SIPA1L1: variants seen among roughly 807,000 people sequenced by gnomAD.
SIPA1L1 encodes the protein signal induced proliferation associated 1 like 1, also known as signal-induced proliferation-associated 1-like protein 1.
Under a neutral mutation model 162.7 loss-of-function variants are expected in SIPA1L1, and 26 were observed. That is an observed-to-expected ratio of 0.16 (90% CI 0.12 to 0.22). SIPA1L1 has a LOEUF of 0.22. Among genes scored for constraint, SIPA1L1 ranks in the 10% least tolerant of loss-of-function variants. SIPA1L1 has a pLI of 1.00. For synonymous variants in SIPA1L1, 829 were observed against 837.4 expected, an observed-to-expected ratio of 0.99 and a Z score of 0.17; for missense variants, 1,874 against 2,241.0, an observed-to-expected ratio of 0.84 and a Z score of 3.31.
In SIPA1L1 at chr14:71,739,147, A is replaced by G; in HGVS notation, c.5338A>G (p.Ile1780Val). ...GTTCACAGAATGGGTCTTCAACACC[A>G]TAGACATGAGCTAGGGAAGGCTGAG... Reference protein sequence around the residue: ...KKFTEWVFNTIDMS With the variant: ...KKFTEWVFNTVDMS Residue 1780 changes from isoleucine (I) to valine (V), a missense_variant, in exon 24 of 24, where the codon ATA becomes GTA. Ile to Val is a conservative substitution (Grantham distance 29). Transcript: ENST00000381232. 5 of 1,613,388 alleles carry G rather than the reference A, an allele frequency of 3.1e-6. 1 individual carries two copies. Among genetic ancestry groups the G allele is most frequent in the Non-Finnish European group, 4.2e-6 (5 of 1,179,560 alleles).
intron 2 of SIPA1L1, among the ~76,000 whole-genome samples, chr14:71,359,931 TA>T (rs1386330200): frequency 6.6e-6 from 1 of 152,164 alleles, no homozygotes; most frequent in Non-Finnish European, 1.5e-5. Context: ...ATTTTTAACA[TA>T]AGTGGTTTAA....
At chr14:71,500,330 A>C (rs2050107935) in intron 2 of SIPA1L1, among the ~76,000 whole-genome samples, 1 of 152,214 alleles carries the variant, frequency 6.6e-6, no homozygotes, top group Non-Finnish European at 1.5e-5. Flanking sequence ...CCAAAGATCT[A>C]AGACTTGAAG....
chr14:71,412,167 T>G (rs1263013676), intron 2 of SIPA1L1, among the ~76,000 whole-genome samples: 1 of 152,246 alleles, frequency 6.6e-6, no homozygotes, highest in Non-Finnish European at 1.5e-5. Context: ...TTTGTTATCT[T>G]AGATATCTGA....
intron 2 of SIPA1L1, among the ~76,000 whole-genome samples, chr14:71,492,616 G>A (rs573128780): frequency 1.4e-4 from 21 of 152,208 alleles, no homozygotes; most frequent in Middle Eastern, 3.4e-3. Context: ...GCTCTTTAGT[G>A]GTCAGAATAT....
At chr14:71,548,248 G>C (rs1228677433) in intron 4 of SIPA1L1, among the ~76,000 whole-genome samples, 1 of 152,144 alleles carries the variant, frequency 6.6e-6, no homozygotes, top group Non-Finnish European at 1.5e-5. Context: ...AGGGCATATA[G>C]CTTAATTTTG....
intron 2 of SIPA1L1, among the ~76,000 whole-genome samples, chr14:71,387,416 C>T (rs981943048): frequency 6.6e-6 from 1 of 152,050 alleles, no homozygotes; most frequent in African/African-American, 2.4e-5. Flanking sequence ...TTCAAGGCTG[C>T]AGTGAGCTAT....
chr14:71,661,425 T>C lies in SIPA1L1; in HGVS notation c.2213T>C (p.Ile738Thr), dbSNP rs1181763288. The change falls in exon 10 of 24, where the codon ATC (isoleucine) becomes ACC (threonine). Residue 738 changes from isoleucine (I) to threonine (T), a missense_variant. Around this residue, in one of 5 missense-constraint regions of SIPA1L1, gnomAD observed 243 missense variants for 315.0 expected, o/e 0.77. Transcript: ENST00000381232. ...TCCCACTTCCAGCACGTTTTCGTCA[T>C]CGTCAGGGTGCACAATCCGTGCTCT... The part of the protein sequence containing the change: ...IRSHFQHVFV[I>T]VRVHNPCSDS... 2 of 1,613,950 alleles carry C rather than the reference T, an allele frequency of 1.2e-6. No homozygotes were observed. Among genetic ancestry groups the C allele is most frequent in the Non-Finnish European group, 1.7e-6 (2 of 1,179,958 alleles).
intron 2 of SIPA1L1, among the ~76,000 whole-genome samples, chr14:71,365,659 T>A (rs2038215780): frequency 6.6e-6 from 1 of 152,176 alleles, no homozygotes; most frequent in Non-Finnish European, 1.5e-5. Context: ...CATTCTTCCT[T>A]CAACTATGTG....
intron 2 of SIPA1L1, chr14:71,330,408 A>G (rs1037778428): frequency 7.9e-7 from 1 of 1,260,558 alleles, no homozygotes; most frequent in African/African-American, 1.5e-5. Flanking sequence ...TGATTTCACG[A>G]GCTGTCTTCA....
At chr14:71,330,693 TG>T in intron 2 of SIPA1L1, 1 of 877,784 alleles carries the variant, frequency 1.1e-6, no homozygotes, top group Non-Finnish European at 2.0e-6. Context: ...GAATCCATCC[TG>T]GAGGATTCTC....
intron 8 of SIPA1L1, among the ~76,000 whole-genome samples, chr14:71,656,210 G>A (rs1023697327): frequency 2.0e-5 from 3 of 152,194 alleles, no homozygotes; most frequent in Non-Finnish European, 4.4e-5. Flanking sequence ...ACAGAGAGAA[G>A]GGGCTAGAAG....
intron 5 of SIPA1L1, among the ~76,000 whole-genome samples, chr14:71,590,860 T>C (rs964513034): frequency 4.6e-5 from 7 of 152,192 alleles, no homozygotes; most frequent in African/African-American, 1.7e-4. Flanking sequence ...TTGTAGGATG[T>C]AGGATGCTTA....
chr14:71,415,146 G>T (rs2042668981), intron 2 of SIPA1L1, among the ~76,000 whole-genome samples: 2 of 152,106 alleles, frequency 1.3e-5, no homozygotes, highest in African/African-American at 4.8e-5. Context: ...CAAGTTATCT[G>T]ACCATCTCCC....
At chr14:71,685,232 T>C in intron 12 of SIPA1L1, 130 bp from the exon 13 acceptor site, 1 of 1,003,312 alleles carries the variant, frequency 1.0e-6, no homozygotes, top group Non-Finnish European at 1.5e-6. Flanking sequence ...GGCCCAAAGA[T>C]TGAAAGGTGG....
At chr14:71,702,121 C>T (rs886639240) in intron 14 of SIPA1L1, among the ~76,000 whole-genome samples, 6 of 152,182 alleles carry the variant, frequency 3.9e-5, no homozygotes, top group African/African-American at 1.4e-4. Context: ...TTAGCTCAGT[C>T]CTAATGGCTT....
intron 2 of SIPA1L1, among the ~76,000 whole-genome samples, chr14:71,454,981 C>G (rs571251752): frequency 2.0e-4 from 31 of 152,206 alleles, no homozygotes; most frequent in Non-Finnish European, 2.9e-4. Flanking sequence ...CAGGGATTAC[C>G]CTTATTGCCT....
intron 2 of SIPA1L1, among the ~76,000 whole-genome samples, chr14:71,463,859 A>G (rs183247335): frequency 6.6e-6 from 1 of 152,334 alleles, no homozygotes; most frequent in Non-Finnish European, 1.5e-5. Context: ...CCAGAGCTCT[A>G]CAGGAGTCAG....
intron 2 of SIPA1L1, among the ~76,000 whole-genome samples, chr14:71,420,735 G>GTT (rs145823833): frequency 2.0e-5 from 3 of 150,728 alleles, no homozygotes; most frequent in African/African-American, 7.3e-5. Flanking sequence ...CTGCTTTTGT[G>GTT]TTTTTTTTTG....
chr14:71,568,867 G>T (rs1250706560), intron 4 of SIPA1L1, among the ~76,000 whole-genome samples: 3 of 152,218 alleles, frequency 2.0e-5, no homozygotes, highest in African/African-American at 7.2e-5. Flanking sequence ...TAGGAAGACA[G>T]TTCCTCTGGA....
Sources: gnomAD v4.1 joint callset for allele counts (sites outside exome capture counted in the v4.1 genomes callset) on GRCh38, gnomAD v4.1.1 for gene constraint, gnomAD v4.1.1 regional missense constraint, MANE v1.5 for transcripts, NCBI Gene and HGNC (gene_info 2026-07-23, HGNC 2026-07-21) for gene names.